Variants in KAZN observed in about 807,000 individuals in gnomAD.
The protein encoded by KAZN is kazrin, periplakin interacting protein.
Under a neutral mutation model 87.4 loss-of-function variants are expected in KAZN, and 40 were observed. The observed-to-expected ratio is 0.46, with a 90% CI of 0.36 to 0.60. The LOEUF (loss-of-function observed/expected upper bound fraction) is 0.60, where lower values mean the gene tolerates loss of function less well. Among genes scored for constraint, KAZN ranks in the 20% least tolerant of loss-of-function variants. The pLI is 0.00. For synonymous variants in KAZN, 466 were observed against 458.3 expected, an observed-to-expected ratio of 1.02 and a Z score of -0.22; for missense variants, 898 against 1,073.9, an observed-to-expected ratio of 0.84 and a Z score of 2.29.
At chr1:14,021,689 T>A (rs752406363) in intron 1 of KAZN, among the ~76,000 whole-genome samples, 3 of 152,188 alleles carry the variant, frequency 2.0e-5, no homozygotes, top group Middle Eastern at 3.2e-3. Context: ...CAAACATTAT[T>A]TTATAATTTT....
chr1:14,568,237 T>C (rs745562787), intron 2 of KAZN, among the ~76,000 whole-genome samples: 17 of 152,070 alleles, frequency 1.1e-4, no homozygotes, highest in Non-Finnish European at 2.2e-4. Context: ...GAGGGCCACA[T>C]TGAAGGGAGT....
At chr1:14,330,139 A>T (rs913907154) in intron 2 of KAZN, among the ~76,000 whole-genome samples, 6 of 152,190 alleles carry the variant, frequency 3.9e-5, no homozygotes, top group Non-Finnish European at 7.3e-5. Context: ...GTAAGTGGAA[A>T]GATGGGCACT....
At chr1:14,880,952 T>C (rs1278790449) in intron 1 of KAZN, among the ~76,000 whole-genome samples, 1 of 152,162 alleles carries the variant, frequency 6.6e-6, no homozygotes, top group African/African-American at 2.4e-5. Context: ...GCAAGATAAC[T>C]CTTTGCCGGT....
At chr1:14,015,459 C>CTT (rs70987713) in intron 1 of KAZN, among the ~76,000 whole-genome samples, 1 of 25,064 alleles carries the variant, frequency 4.0e-5, no homozygotes, top group Non-Finnish European at 8.5e-5. Flanking sequence ...GTTACATCTA[C>CTT]TTTTTTTTTT....
chr1:14,976,596 G>A (rs1191325990), intron 2 of KAZN, among the ~76,000 whole-genome samples: 7 of 152,274 alleles, frequency 4.6e-5, no homozygotes, highest in South Asian at 2.1e-4. Context: ...ATGAGCCCAC[G>A]CTGCCCAGCC....
chr1:14,925,993 G>C (rs893461664), intron 1 of KAZN, among the ~76,000 whole-genome samples: 5 of 152,122 alleles, frequency 3.3e-5, no homozygotes, highest in African/African-American at 4.8e-5. Context: ...AATAATAATA[G>C]TACCAACTAA....
chr1:14,813,496 G>A (rs913152929), intron 1 of KAZN, among the ~76,000 whole-genome samples: 1 of 152,208 alleles, frequency 6.6e-6, no homozygotes, highest in Non-Finnish European at 1.5e-5. Context: ...ATGTGAGTGA[G>A]TCATCCTGGA....
At chr1:14,381,929 C>T (rs1557677734) in intron 2 of KAZN, among the ~76,000 whole-genome samples, 1 of 152,150 alleles carries the variant, frequency 6.6e-6, no homozygotes, top group Non-Finnish European at 1.5e-5. Flanking sequence ...TTGGAAAAAA[C>T]ATAAGACTCC....
rs1020421980 is a variant in KAZN at position 15,117,197 on chromosome 1, A to G, written c.*2562A>G. 6.6e-6 allele frequency: 1 copy of G among 152,264 alleles called. No individual in the cohort carries two copies. The highest frequency in any genetic ancestry group is 6.5e-5 in the Admixed American group (1 of 15,284). 9.4% of individuals were successfully genotyped at this position (152,264 alleles called of 1,614,324 possible). On this transcript the variant is annotated 3_prime_UTR_variant, in exon 15 of 15. Transcript: ENST00000376030. ...ACTCAAGCTGATTGTCACAGGCTAC[A>G]GAGGGGCCAGCTCCAGAACAGTGAC...
At chr1:14,737,323 T>C (rs1428848488) in intron 1 of KAZN, among the ~76,000 whole-genome samples, 1 of 152,094 alleles carries the variant, frequency 6.6e-6, no homozygotes, top group Non-Finnish European at 1.5e-5. Flanking sequence ...AATTTGCCAC[T>C]CAGCAGATGG....
intron 1 of KAZN, among the ~76,000 whole-genome samples, chr1:14,119,772 T>C (rs1157797277): frequency 6.6e-6 from 1 of 152,190 alleles, no homozygotes; most frequent in Non-Finnish European, 1.5e-5. Context: ...CAAATAACAC[T>C]GTGCACATCT....
At chr1:14,249,634 G>C (rs974964778) in intron 2 of KAZN, among the ~76,000 whole-genome samples, 1 of 152,154 alleles carries the variant, frequency 6.6e-6, no homozygotes, top group African/African-American at 2.4e-5. Context: ...CAGAAGAAAG[G>C]GAGTCTCTTT....
At chr1:13,997,094 A>G (rs985283946) in intron 1 of KAZN, among the ~76,000 whole-genome samples, 1 of 152,142 alleles carries the variant, frequency 6.6e-6, no homozygotes, top group Non-Finnish European at 1.5e-5. Context: ...GTGAACCCCT[A>G]GCAAATTGCA....
intron 2 of KAZN, among the ~76,000 whole-genome samples, chr1:14,356,829 C>A (rs192191661): frequency 6.6e-6 from 1 of 152,038 alleles, no homozygotes; most frequent in African/African-American, 2.4e-5. Context: ...GTTACTGTAG[C>A]CTTGTAGTAT....
intron 1 of KAZN, among the ~76,000 whole-genome samples, chr1:14,834,403 C>T (rs1647155134): frequency 6.7e-6 from 1 of 148,336 alleles, no homozygotes; most frequent in Admixed American, 6.8e-5. Context: ...GCTCTGTCAC[C>T]CAGGCTGGAG....
chr1:15,044,177 C>T lies in KAZN; in HGVS notation c.726+18C>T, dbSNP rs764431312. The T allele has an allele frequency of 1.9e-6, 3 of 1,541,704 alleles. No individual in the cohort carries two copies. The highest frequency in any genetic ancestry group is 1.4e-5 in the African/African-American group (1 of 73,088). ...TGGCCATGGTGAGAACCCTCCCCAC[C>T]CAGGTGGGCCTGGCATCTGCTAGCA... On this transcript the variant is annotated intron_variant, in intron 4 of 14. Transcript: ENST00000376030.
rs575706508 is a variant in KAZN at position 14,382,886 on chromosome 1, A to G, written c.249+202294A>G. On this transcript the variant is annotated intron_variant, in intron 2 of 16. Transcript: ENST00000636203. ...GTTTCTAGTTCTAGATCCCTGAGAA[A>G]TCGCCACACTGACTTCCACAATGGT... Among the ~76,000 whole-genome samples the G allele has an allele frequency of 4.1e-3, 622 of 152,096 alleles. 5 individuals carry two copies. The highest frequency in any genetic ancestry group is 0.014 in the African/African-American group (601 of 41,484).
chr1:13,994,681 G>A (rs1639428724), intron 1 of KAZN, among the ~76,000 whole-genome samples: 1 of 152,170 alleles, frequency 6.6e-6, no homozygotes, highest in Non-Finnish European at 1.5e-5. Context: ...TCCCTAAACA[G>A]CCTGACCTAT....
chr1:15,007,011 C>T (rs986803961), intron 2 of KAZN, among the ~76,000 whole-genome samples: 1 of 139,772 alleles, frequency 7.2e-6, no homozygotes, highest in East Asian at 2.2e-4. Context: ...GAGCTGAGAT[C>T]GCGCCACTGC....
Sources: allele counts gnomAD v4.1 joint callset (sites outside exome capture counted in the v4.1 genomes callset), GRCh38; gene constraint gnomAD v4.1.1; transcripts MANE v1.5; gene names NCBI Gene and HGNC (gene_info 2026-07-23, HGNC 2026-07-21).